The following WDR43 variants were observed in gnomAD, a reference collection of about 807,000 sequenced individuals.
The protein encoded by WDR43 is WD repeat-containing protein 43.
In WDR43, 13 loss-of-function variants were observed where a neutral mutation model predicts 91.4. That is an observed-to-expected ratio of 0.14 (90% CI 0.09 to 0.23). The LOEUF is 0.23. Among genes scored for constraint, WDR43 ranks in the 10% least tolerant of loss-of-function variants. The probability of loss-of-function intolerance (pLI) is 1.00; values close to 1 mark genes in which losing one functional copy is unlikely to be tolerated. For synonymous variants in WDR43, 331 were observed against 287.9 expected (o/e 1.15, Z -1.51); for missense variants, 780 against 809.4 (o/e 0.96, Z 0.44).
chr2:28,911,060 T>G (rs2148183363), intron 3 of WDR43, among the ~76,000 whole-genome samples: 1 of 141,354 alleles, frequency 7.1e-6, no homozygotes, highest in South Asian at 2.3e-4. Flanking sequence ...TGTAATTAAA[T>G]CAGGTCTTTT....
chr2:28,918,735 A>G (rs958204850), intron 6 of WDR43, among the ~76,000 whole-genome samples: 4 of 152,132 alleles, frequency 2.6e-5, no homozygotes, highest in Non-Finnish European at 2.9e-5. Flanking sequence ...AGAATTTTTC[A>G]TGTAAAAATT....
intron 16 of WDR43, 21 bp downstream of exon 16, chr2:28,942,402 A>G (rs2148200782): frequency 1.2e-6 from 2 of 1,608,710 alleles, no homozygotes; most frequent in African/African-American, 1.3e-5. Flanking sequence ...GGGGAATGGG[A>G]TGGAGTCTAG....
intron 12 of WDR43, 74 bp downstream of exon 12, chr2:28,935,681 G>A: frequency 9.8e-7 from 1 of 1,018,132 alleles, no homozygotes; most frequent in South Asian, 1.8e-5. Context: ...TTAGAGAAAT[G>A]GATTTGTAAT....
intron 1 of WDR43, among the ~76,000 whole-genome samples, chr2:28,901,291 G>A (rs1047946799): frequency 2.0e-5 from 3 of 152,214 alleles, no homozygotes; most frequent in African/African-American, 7.2e-5. Flanking sequence ...TTGTTGGGAA[G>A]ACATGAGCTG....
chr2:28,908,573 G>A (rs1458577571), intron 3 of WDR43, among the ~76,000 whole-genome samples: 2 of 150,440 alleles, frequency 1.3e-5, no homozygotes, highest in South Asian at 2.1e-4. Flanking sequence ...ACACGTGTGC[G>A]TTTTATTGTA....
At chr2:28,930,161 G>A (rs1309690647) in intron 11 of WDR43, 1 of 469,432 alleles carries the variant, frequency 2.1e-6, no homozygotes, top group Admixed American at 2.4e-5. Context: ...TAGGAGGTTT[G>A]GGGGAAAATT....
chr2:28,939,032 GACCT>G (rs1671387509), intron 14 of WDR43, among the ~76,000 whole-genome samples: 2 of 101,480 alleles, frequency 2.0e-5, no homozygotes, highest in African/African-American at 3.5e-5. Context: ...TTTGGGAGGT[GACCT>G]GGGAGCACTG....
chr2:28,918,303 G>A (rs975191569), intron 6 of WDR43, among the ~76,000 whole-genome samples: 9 of 151,148 alleles, frequency 6.0e-5, no homozygotes, highest in African/African-American at 2.2e-4. Context: ...GAAATTGTTG[G>A]TGATAGCTCC....
chr2:28,942,564 G>C (rs1351986404), intron 16 of WDR43, among the ~76,000 whole-genome samples, 183 bp downstream of exon 16: 1 of 150,740 alleles, frequency 6.6e-6, no homozygotes. Context: ...AAAGGCACAA[G>C]TATAATACAG....
chr2:28,935,637 C>G (rs747714979), intron 12 of WDR43, 30 bp downstream of exon 12: 1 of 1,457,384 alleles, frequency 6.9e-7, no homozygotes, highest in East Asian at 2.4e-5. Flanking sequence ...ATTTCAGCAT[C>G]CTAATGCCAT....
Position 28,943,068 on chromosome 2 carries a change from A to G in WDR43, c.1804+687A>G, listed in dbSNP as rs186400696. On this transcript the variant is annotated intron_variant, in intron 16 of 17. Coordinates refer to ENST00000407426, the MANE Select transcript of WDR43 (RefSeq NM_015131.3). The stretch of plus-strand genomic sequence containing the variant: ...AGCCAGTAGCTCTAAAATTGACTTT[A>G]TAAAACTTCTCACAAGATATGCCCA... Among the ~76,000 whole-genome samples, 3 of 152,362 alleles carry G rather than the reference A, an allele frequency of 2.0e-5. No homozygotes were observed. The East Asian group carries it at 5.8e-4, about 29-fold the overall frequency.
intron 6 of WDR43, among the ~76,000 whole-genome samples, chr2:28,920,648 T>G (rs1334144970): frequency 6.6e-6 from 1 of 152,098 alleles, no homozygotes; most frequent in Admixed American, 6.5e-5. Context: ...TTGCCACTAG[T>G]CTATGTAGAG....
chr2:28,898,890 A>G (rs943767817), intron 1 of WDR43, among the ~76,000 whole-genome samples: 1 of 152,154 alleles, frequency 6.6e-6, no homozygotes, highest in South Asian at 2.1e-4. Flanking sequence ...CATCACCTGA[A>G]TGTGCTTTTT....
chr2:28,946,139 C>G (rs867998754), intron 16 of WDR43, among the ~76,000 whole-genome samples: 3 of 152,034 alleles, frequency 2.0e-5, no homozygotes, highest in African/African-American at 7.2e-5. Flanking sequence ...AGTTTGAGAT[C>G]GGCCTGGGCA....
At chr2:28,919,992 A>C (rs1318994074) in intron 6 of WDR43, among the ~76,000 whole-genome samples, 1 of 151,678 alleles carries the variant, frequency 6.6e-6, no homozygotes, top group African/African-American at 2.4e-5. Flanking sequence ...AGACTGCGCT[A>C]CCATGCCTGG....
chr2:28,898,828 G>A (rs1374910370), intron 1 of WDR43, among the ~76,000 whole-genome samples: 1 of 152,054 alleles, frequency 6.6e-6, no homozygotes, highest in Non-Finnish European at 1.5e-5. Context: ...CTTTTTCTGG[G>A]ATTTTAGTCT....
chr2:28,927,002 T>C (rs779005361), intron 9 of WDR43: 25 of 506,530 alleles, frequency 4.9e-5, no homozygotes, highest in Non-Finnish European at 9.2e-5. Context: ...CCATTTTGCA[T>C]ATAACTTGGT....
chr2:28,912,210 G>A (rs1026130506), intron 3 of WDR43, among the ~76,000 whole-genome samples: 4 of 152,184 alleles, frequency 2.6e-5, no homozygotes, highest in African/African-American at 9.7e-5. Flanking sequence ...GTAGGGTTAG[G>A]ATGGGCTTGG....
intron 14 of WDR43, among the ~76,000 whole-genome samples, chr2:28,938,745 G>C (rs1286972887): frequency 6.6e-6 from 1 of 152,162 alleles, no homozygotes; most frequent in Non-Finnish European, 1.5e-5. Flanking sequence ...TCAGTGGCTT[G>C]AATTAGGGAA....
Sources: allele counts gnomAD v4.1 joint callset (sites outside exome capture counted in the v4.1 genomes callset), GRCh38; gene constraint gnomAD v4.1.1; transcripts MANE v1.5; gene names NCBI Gene and HGNC (gene_info 2026-07-23, HGNC 2026-07-21).